Variants in CBL observed in about 807,000 individuals in gnomAD.
The protein encoded by CBL is Cbl proto-oncogene.
Under a neutral mutation model 96.9 loss-of-function variants are expected in CBL, and 45 were observed. The ratio of observed to expected loss-of-function variants is 0.46; its 90% CI spans 0.37 to 0.60. The LOEUF (loss-of-function observed/expected upper bound fraction) is 0.60, where lower values mean the gene tolerates loss of function less well. Among genes scored for constraint, CBL ranks in the 20% least tolerant of loss-of-function variants. The pLI is 0.00. For synonymous variants in CBL, 420 were observed against 426.8 expected (o/e 0.98, Z 0.20); for missense variants, 1,024 against 1,143.5 (o/e 0.90, Z 1.51).
At chr11:119,254,389 T>G (rs1369348902) in intron 2 of CBL, among the ~76,000 whole-genome samples, 2 of 152,182 alleles carry the variant, frequency 1.3e-5, no homozygotes, top group African/African-American at 4.8e-5. Flanking sequence ...TTAGTTGTTG[T>G]GTGAACGTCA....
intron 1 of CBL, among the ~76,000 whole-genome samples, chr11:119,226,613 A>G (rs1949461377): frequency 6.6e-6 from 1 of 151,902 alleles, no homozygotes; most frequent in African/African-American, 2.4e-5. Flanking sequence ...GTGTGCCACC[A>G]TGCCTGGCTG....
At chr11:119,298,235 A>C in intron 14 of CBL, 123 bp from the exon 15 acceptor site, 1 of 876,544 alleles carries the variant, frequency 1.1e-6, no homozygotes, top group Non-Finnish European at 1.9e-6. Flanking sequence ...ACAGTAGACA[A>C]TCAGTAACTG....
At chr11:119,208,724 C>G (rs186026648) in intron 1 of CBL, among the ~76,000 whole-genome samples, 15 of 152,184 alleles carry the variant, frequency 9.9e-5, no homozygotes, top group African/African-American at 3.1e-4. Context: ...ATTCTGTATT[C>G]TTATTAAAGT....
At chr11:119,224,149 C>T (rs1272570104) in intron 1 of CBL, among the ~76,000 whole-genome samples, 1 of 152,086 alleles carries the variant, frequency 6.6e-6, no homozygotes, top group Non-Finnish European at 1.5e-5. Flanking sequence ...ACAAATAACA[C>T]TTGTGGAGGG....
chr11:119,210,663 G>T (rs1337270826), intron 1 of CBL, among the ~76,000 whole-genome samples: 1 of 134,504 alleles, frequency 7.4e-6, no homozygotes, highest in Non-Finnish European at 1.5e-5. Flanking sequence ...TGGCCAGGCT[G>T]CTCTCGAACT....
At chr11:119,206,642 C>G in intron 1 of CBL, 30 bp downstream of exon 1, 1 of 1,539,602 alleles carries the variant, frequency 6.5e-7, no homozygotes, top group Non-Finnish European at 8.8e-7. Flanking sequence ...CCCGCTGTTG[C>G]AGGGTGGGCG....
intron 1 of CBL, among the ~76,000 whole-genome samples, chr11:119,219,466 A>T (rs1949390712): frequency 6.6e-6 from 1 of 151,844 alleles, no homozygotes; most frequent in African/African-American, 2.4e-5. Flanking sequence ...CTTCATTAAG[A>T]TGGAGAAGGT....
intron 2 of CBL, among the ~76,000 whole-genome samples, chr11:119,242,274 G>A (rs1949592127): frequency 6.6e-6 from 1 of 152,056 alleles, no homozygotes; most frequent in Admixed American, 6.6e-5. Context: ...TGGGCACAGT[G>A]GCTCACGATT....
chr11:119,227,542 C>G (rs913538126), intron 1 of CBL, among the ~76,000 whole-genome samples: 25 of 151,538 alleles, frequency 1.6e-4, no homozygotes, highest in Admixed American at 1.6e-3. Context: ...TATAGTGAAC[C>G]TTATAATTTT....
intron 4 of CBL, 152 bp downstream of exon 4, chr11:119,274,176 C>T (rs1949870332): frequency 4.5e-6 from 3 of 668,292 alleles, no homozygotes; most frequent in Admixed American, 5.7e-5. Context: ...AAGATTAAAA[C>T]TATCTCATAT....
At chr11:119,248,507 A>C (rs917393909) in intron 2 of CBL, among the ~76,000 whole-genome samples, 1 of 152,240 alleles carries the variant, frequency 6.6e-6, no homozygotes, top group Admixed American at 6.5e-5. Flanking sequence ...CAACTCTCAA[A>C]ATGTATCAAA....
At chr11:119,241,840 G>A (rs889471322) in intron 2 of CBL, among the ~76,000 whole-genome samples, 6 of 152,176 alleles carry the variant, frequency 3.9e-5, no homozygotes, top group African/African-American at 1.4e-4. Context: ...CCAAAGTGAT[G>A]GGTGTAGAGA....
intron 2 of CBL, among the ~76,000 whole-genome samples, chr11:119,248,798 C>T (rs923794564): frequency 6.6e-6 from 1 of 152,136 alleles, no homozygotes; most frequent in Non-Finnish European, 1.5e-5. Context: ...ACAAAACAAA[C>T]CAATTCAAAA....
chr11:119,270,976 G>A (rs1315978834), intron 2 of CBL, among the ~76,000 whole-genome samples: 2 of 152,204 alleles, frequency 1.3e-5, no homozygotes, highest in African/African-American at 4.8e-5. Flanking sequence ...AGAAATTTTT[G>A]TGTGGTTTGG....
chr11:119,299,907 T>C lies in CBL; in HGVS notation c.*126T>C, dbSNP rs1195227170. On this transcript the variant is annotated 3_prime_UTR_variant, in exon 16 of 16. Coordinates refer to ENST00000264033, the MANE Select transcript of CBL (RefSeq NM_005188.4). ...GAAGTCTTGCCCTCTCTGTGGGATA[T>C]CACATCAGTGGTTCCAAGATTTCAA... is the stretch of plus-strand genomic sequence containing the variant. 2.1e-5 allele frequency: 19 copies of C among 898,156 alleles called. No homozygotes were observed. The highest frequency in any genetic ancestry group is 4.8e-5 in the East Asian group (2 of 41,718). The allele number at this position is 898,156 out of a possible 1,614,324, so 55.6% of individuals were successfully genotyped here.
At chr11:119,244,421 ATTTT>A (rs10717493) in intron 2 of CBL, among the ~76,000 whole-genome samples, 2 of 146,502 alleles carry the variant, frequency 1.4e-5, no homozygotes, top group South Asian at 2.2e-4. Flanking sequence ...TTTTTAATTA[ATTTT>A]TTTTTTTTTT....
rs1243706746 is a variant in CBL at position 119,239,783 on chromosome 11, G to GT, written c.443+7098dup. On this transcript the variant is annotated intron_variant, in intron 2 of 15. Coordinates refer to ENST00000264033, the MANE Select transcript of CBL (RefSeq NM_005188.4). ...TCTTGTTTTTCAGTTTTTGGTTGTT[G>GT]TTTTTTTTTTGCTTTTTTGTTTTAT... Among the ~76,000 whole-genome samples the GT allele has an allele frequency of 2.2e-3, 313 of 144,196 alleles. 1 individual carries two copies. Among genetic ancestry groups the GT allele is most frequent in the African/African-American group, 5.4e-3 (213 of 39,362 alleles). The allele number at this position is 144,196 out of a possible 152,430, so 94.6% of individuals were successfully genotyped here.
intron 13 of CBL, 149 bp from the exon 14 acceptor site, chr11:119,297,235 C>A: frequency 1.3e-6 from 1 of 768,222 alleles, no homozygotes; most frequent in Non-Finnish European, 2.3e-6. Flanking sequence ...ACATGAGAAC[C>A]TCAAAAACAC....
intron 15 of CBL, among the ~76,000 whole-genome samples, chr11:119,299,240 A>G (rs1376845486): frequency 6.6e-6 from 1 of 152,234 alleles, no homozygotes; most frequent in African/African-American, 2.4e-5. Context: ...GTAAAGCATG[A>G]TGCAGATGTT....
Sources: gnomAD v4.1 joint callset for allele counts (sites outside exome capture counted in the v4.1 genomes callset) on GRCh38, gnomAD v4.1.1 for gene constraint, MANE v1.5 for transcripts, NCBI Gene and HGNC (gene_info 2026-07-23, HGNC 2026-07-21) for gene names.